The following CTNNA2 variants were observed in gnomAD, a reference collection of about 807,000 sequenced individuals.
The protein encoded by CTNNA2 is catenin alpha-2.
Under a neutral mutation model 101.0 loss-of-function variants are expected in CTNNA2, and 42 were observed. That is an observed-to-expected ratio of 0.42 (90% CI 0.32 to 0.54). The LOEUF (loss-of-function observed/expected upper bound fraction) is 0.54. CTNNA2 is among the 20% of genes least tolerant of loss of function. The pLI, the probability that CTNNA2 is intolerant of heterozygous loss-of-function variation, is 0.14. For synonymous variants in CTNNA2, 450 were observed against 456.4 expected (o/e 0.99, Z 0.18); for missense variants, 871 against 1,223.1 (o/e 0.71, Z 4.29).
At chr2:80,336,209 C>G (rs1222407187) in intron 7 of CTNNA2, among the ~76,000 whole-genome samples, 1 of 152,034 alleles carries the variant, frequency 6.6e-6, no homozygotes, top group African/African-American at 2.4e-5. Context: ...GGGTTCGTTC[C>G]TCATAGATGT....
intron 4 of CTNNA2, among the ~76,000 whole-genome samples, chr2:79,415,907 A>G (rs1340451871): frequency 2.0e-5 from 3 of 152,152 alleles, no homozygotes; most frequent in Non-Finnish European, 4.4e-5. Flanking sequence ...ATTCCTTGGA[A>G]GTAAATATTG....
chr2:79,552,421 A>G (rs1306147017), intron 1 of CTNNA2, among the ~76,000 whole-genome samples: 1 of 152,156 alleles, frequency 6.6e-6, no homozygotes, highest in African/African-American at 2.4e-5. Context: ...CACATGGTGC[A>G]AGCTGTCAGT....
At position 79,239,312 on chromosome 2, in the gene CTNNA2, A is replaced by C. The variant is rs1461037937; in HGVS notation, c.-406+41236A>C. On this transcript the variant is annotated intron_variant, in intron 2 of 21. Transcript: ENST00000466387. ...ACAGAGATCTCAGAAATAAGACCACACATCTACAACCATCTGATCTTCTAC... is the reference window on the plus strand; with the variant it reads ...ACAGAGATCTCAGAAATAAGACCACCCATCTACAACCATCTGATCTTCTAC... Among the ~76,000 whole-genome samples the C allele has an allele frequency of 2.0e-5, 3 of 152,176 alleles. No homozygotes were observed. In the East Asian group the frequency reaches 5.8e-4, roughly 29 times the overall value.
At chr2:80,256,235 C>T (rs146838006) in intron 7 of CTNNA2, among the ~76,000 whole-genome samples, 162 of 152,170 alleles carry the variant, frequency 1.1e-3, no homozygotes, top group African/African-American at 3.7e-3. Context: ...TCAGTTTTCC[C>T]CTGTGTCAGG....
intron 7 of CTNNA2, among the ~76,000 whole-genome samples, chr2:80,344,888 C>T (rs1672591055): frequency 6.6e-6 from 1 of 151,970 alleles, no homozygotes; most frequent in Non-Finnish European, 1.5e-5. Flanking sequence ...CTTGGGGTCC[C>T]TTCATCCTCT....
intron 3 of CTNNA2, among the ~76,000 whole-genome samples, chr2:79,750,564 A>G (rs1324152539): frequency 6.6e-6 from 1 of 152,242 alleles, no homozygotes. Flanking sequence ...TTGTTTACTT[A>G]GAAGTAGGTA....
At chr2:79,930,156 G>C (rs1217861587) in intron 7 of CTNNA2, among the ~76,000 whole-genome samples, 7 of 151,798 alleles carry the variant, frequency 4.6e-5, no homozygotes, top group Admixed American at 4.6e-4. Flanking sequence ...AGAATCACTT[G>C]AACCTGGGAG....
intron 7 of CTNNA2, among the ~76,000 whole-genome samples, chr2:80,367,491 T>G (rs1216320527): frequency 6.6e-6 from 1 of 152,128 alleles, no homozygotes; most frequent in African/African-American, 2.4e-5. Flanking sequence ...GTTATTATTA[T>G]CTTAAGATTT....
chr2:79,935,270 G>A (rs962150562), intron 7 of CTNNA2, among the ~76,000 whole-genome samples: 5 of 151,898 alleles, frequency 3.3e-5, no homozygotes, highest in Non-Finnish European at 7.4e-5. Flanking sequence ...AAAATTAAAT[G>A]CCTTGTCCAA....
At chr2:79,714,683 G>C (rs775169192) in intron 2 of CTNNA2, among the ~76,000 whole-genome samples, 2 of 152,112 alleles carry the variant, frequency 1.3e-5, no homozygotes, top group Non-Finnish European at 2.9e-5. Context: ...GTAGGGCACT[G>C]GGGGTAAGGT....
intron 4 of CTNNA2, among the ~76,000 whole-genome samples, chr2:79,401,410 T>C (rs1678288955): frequency 6.6e-6 from 1 of 151,684 alleles, no homozygotes; most frequent in African/African-American, 2.4e-5. Context: ...TTGTCAATTA[T>C]GTAAAAGGGC....
At chr2:79,703,458 T>G (rs558765572) in intron 2 of CTNNA2, among the ~76,000 whole-genome samples, 19 of 152,220 alleles carry the variant, frequency 1.2e-4, no homozygotes, top group Non-Finnish European at 2.1e-4. Context: ...TCCTTTCTCC[T>G]AGTACTTATT....
At chr2:79,209,052 A>T (rs1674136139) in intron 2 of CTNNA2, among the ~76,000 whole-genome samples, 1 of 152,148 alleles carries the variant, frequency 6.6e-6, no homozygotes, top group Non-Finnish European at 1.5e-5. Flanking sequence ...ATGGTGGCTC[A>T]CGCTTGTAAT....
intron 7 of CTNNA2, among the ~76,000 whole-genome samples, chr2:80,355,003 AT>A (rs200630008): frequency 0.012 from 1,763 of 152,026 alleles, 21 homozygotes; most frequent in South Asian, 0.057. Context: ...CATGGTGTTT[AT>A]TTTTCTGCCT....
intron 3 of CTNNA2, among the ~76,000 whole-genome samples, chr2:79,315,848 C>T (rs1420377536): frequency 1.3e-5 from 2 of 152,072 alleles, no homozygotes; most frequent in African/African-American, 2.4e-5. Context: ...TTTCCCAATT[C>T]ACTTCATCAT....
chr2:80,110,304 A>G (rs1446728000), intron 7 of CTNNA2, among the ~76,000 whole-genome samples: 1 of 152,200 alleles, frequency 6.6e-6, no homozygotes, highest in African/African-American at 2.4e-5. Flanking sequence ...ACCTCCCTTC[A>G]TTCTGTTAAT....
intron 5 of CTNNA2, among the ~76,000 whole-genome samples, chr2:79,506,444 A>G (rs1018406452): frequency 6.6e-6 from 1 of 152,272 alleles, no homozygotes; most frequent in East Asian, 1.9e-4. Flanking sequence ...TGGACCATGG[A>G]GTCAGACTGC....
Position 80,623,048 on chromosome 2 carries a change from T to TAAAAA in CTNNA2, c.2574+3835_2574+3839dup, listed in dbSNP as rs367889797. 8.8e-4 allele frequency among the ~76,000 whole-genome samples: 107 copies of TAAAAA among 121,610 alleles called. 3 individuals are homozygous for TAAAAA. Among genetic ancestry groups the TAAAAA allele is most frequent in the South Asian group, 1.4e-3 (5 of 3,508 alleles). The allele number at this position is 121,610 out of a possible 152,430, so 79.8% of individuals were successfully genotyped here. ...AAGCAAGACTACTAGCGCTAGTTTC[T>TAAAAA]AAAAAAAAAAAAAAAAAAAGTTCAA... On this transcript the variant is annotated intron_variant, in intron 18 of 18. Coordinates refer to ENST00000402739, the MANE Select transcript of CTNNA2 (RefSeq NM_001282597.3).
intron 2 of CTNNA2, among the ~76,000 whole-genome samples, chr2:79,707,063 A>G (rs749072982): frequency 2.6e-5 from 4 of 152,122 alleles, no homozygotes; most frequent in Non-Finnish European, 5.9e-5. Context: ...CCATTTGCAC[A>G]TTTGGGGCAT....
Sources: allele counts gnomAD v4.1 joint callset (sites outside exome capture counted in the v4.1 genomes callset), GRCh38; gene constraint gnomAD v4.1.1; transcripts MANE v1.5; gene names NCBI Gene and HGNC (gene_info 2026-07-23, HGNC 2026-07-21).